GRIA4: variants seen among roughly 807,000 people sequenced by gnomAD.
GRIA4 encodes glutamate receptor 4.
GRIA4 carries 34 observed loss-of-function variants against 104.0 expected under a neutral mutation model. The observed-to-expected ratio is 0.33, with a 90% CI of 0.25 to 0.44. GRIA4 has a LOEUF of 0.44. Among genes scored for constraint, GRIA4 ranks in the 20% least tolerant of loss-of-function variants. The pLI is 1.00. For synonymous variants in GRIA4, 386 were observed against 381.9 expected, an observed-to-expected ratio of 1.01 and a Z score of -0.13; for missense variants, 750 against 1,096.5, an observed-to-expected ratio of 0.68 and a Z score of 4.46.
At position 105,938,581 on chromosome 11, in the gene GRIA4, T is replaced by C. The variant is rs374615678; in HGVS notation, c.2294+4612T>C. 4.3e-4 allele frequency among the ~76,000 whole-genome samples: 65 copies of C among 152,318 alleles called. 1 individual carries two copies. The Middle Eastern group carries it at 0.014, about 32-fold the overall frequency. ...TGAATACCCTTCATTTTTAGTGCCA[T>C]ATTAAAAGATGCTATAGATAACTTA... On this transcript the variant is annotated intron_variant, in intron 14 of 16. Coordinates refer to ENST00000282499, the MANE Select transcript of GRIA4 (RefSeq NM_000829.4).
intron 3 of GRIA4, among the ~76,000 whole-genome samples, chr11:105,730,135 C>T (rs528574605): frequency 2.0e-5 from 3 of 152,280 alleles, no homozygotes; most frequent in East Asian, 1.9e-4. Context: ...AAAACCCCAT[C>T]GTCTCAGCCC....
At chr11:105,731,423 T>C (rs950602612) in intron 3 of GRIA4, among the ~76,000 whole-genome samples, 1 of 152,128 alleles carries the variant, frequency 6.6e-6, no homozygotes, top group African/African-American at 2.4e-5. Flanking sequence ...TTTACACTGT[T>C]GGTGGGAGTG....
rs199613178 is a variant in GRIA4 at position 105,829,636 on chromosome 11, CAT to C, written c.488-32385_488-32384del. On this transcript the variant is annotated intron_variant, in intron 4 of 16. Transcript: ENST00000282499. The stretch of plus-strand genomic sequence containing the variant: ...TTAAAGTGGCCTAGCTATAAGAAGA[CAT>C]ATTCCTCCACACTATGTCGACATAT... Among the ~76,000 whole-genome samples the C allele has an allele frequency of 2.0e-5, 3 of 151,994 alleles. No homozygotes were observed. In the East Asian group the frequency reaches 5.9e-4, roughly 30 times the overall value.
intron 6 of GRIA4, 144 bp from the exon 7 acceptor site, chr11:105,898,125 T>A: frequency 4.3e-6 from 2 of 460,818 alleles, no homozygotes; most frequent in Non-Finnish European, 7.7e-6. Context: ...ATTTTCCACA[T>A]CTTTTATTAT....
intron 3 of GRIA4, among the ~76,000 whole-genome samples, chr11:105,659,603 A>G (rs922490657): frequency 1.3e-5 from 2 of 152,040 alleles, no homozygotes; most frequent in East Asian, 1.9e-4. Context: ...TAGATGGTCC[A>G]TACTGTGTAA....
chr11:105,745,618 A>C (rs548294162), intron 3 of GRIA4, among the ~76,000 whole-genome samples: 3 of 152,306 alleles, frequency 2.0e-5, no homozygotes, highest in African/African-American at 7.2e-5. Flanking sequence ...CTGTTGTACA[A>C]AGTTGTCTCA....
intron 3 of GRIA4, among the ~76,000 whole-genome samples, chr11:105,737,349 G>A (rs1939016155): frequency 6.6e-6 from 1 of 151,994 alleles, no homozygotes; most frequent in Non-Finnish European, 1.5e-5. Context: ...TTATATTCTA[G>A]AAGGGGAAGA....
chr11:105,953,068 G>C (rs560582031), intron 14 of GRIA4, among the ~76,000 whole-genome samples: 23 of 152,304 alleles, frequency 1.5e-4, no homozygotes, highest in African/African-American at 5.5e-4. Context: ...AATAATTTGG[G>C]AAGAAAAGTA....
chr11:105,941,234 C>G (rs967771581), intron 14 of GRIA4, among the ~76,000 whole-genome samples: 2 of 152,022 alleles, frequency 1.3e-5, no homozygotes, highest in African/African-American at 4.8e-5. Flanking sequence ...TCAAAAAAGT[C>G]TTTTTTTATG....
chr11:105,927,288 G>C (rs553352781), intron 13 of GRIA4, among the ~76,000 whole-genome samples: 2 of 152,034 alleles, frequency 1.3e-5, no homozygotes, highest in African/African-American at 2.4e-5. Context: ...GGCTGAGAGC[G>C]TAAAAATGAA....
chr11:105,628,623 C>A (rs1287916882), intron 3 of GRIA4, among the ~76,000 whole-genome samples: 2 of 152,126 alleles, frequency 1.3e-5, no homozygotes, highest in African/African-American at 4.8e-5. Context: ...TGTGTCTCCC[C>A]AGCCATGTGA....
chr11:105,754,911 T>C (rs1940212479), intron 4 of GRIA4, among the ~76,000 whole-genome samples: 1 of 152,204 alleles, frequency 6.6e-6, no homozygotes, highest in South Asian at 2.1e-4. Flanking sequence ...ATTATGTAAA[T>C]TGTTCCTAGG....
chr11:105,681,731 T>C (rs1952715991), intron 3 of GRIA4, among the ~76,000 whole-genome samples: 1 of 152,176 alleles, frequency 6.6e-6, no homozygotes, highest in African/African-American at 2.4e-5. Flanking sequence ...TTCAATACAC[T>C]GAGTTAAATA....
intron 5 of GRIA4, among the ~76,000 whole-genome samples, chr11:105,878,921 C>G (rs1010626558): frequency 6.6e-6 from 1 of 152,198 alleles, no homozygotes; most frequent in African/African-American, 2.4e-5. Context: ...CACTGGCATT[C>G]CAGGTGCCAC....
At chr11:105,889,166 AAAAT>A (rs1438703972) in intron 6 of GRIA4, among the ~76,000 whole-genome samples, 14 of 152,220 alleles carry the variant, frequency 9.2e-5, no homozygotes, top group Non-Finnish European at 8.8e-5. Flanking sequence ...ATTGGCAATT[AAAAT>A]AAATAAATCA....
intron 5 of GRIA4, among the ~76,000 whole-genome samples, chr11:105,868,871 C>T (rs984457172): frequency 1.3e-5 from 2 of 152,100 alleles, no homozygotes; most frequent in Non-Finnish European, 2.9e-5. Context: ...TCAGGATCTA[C>T]AACAAAGTAA....
chr11:105,750,221 C>T (rs1939919749), intron 3 of GRIA4, among the ~76,000 whole-genome samples: 1 of 152,070 alleles, frequency 6.6e-6, no homozygotes, highest in African/African-American at 2.4e-5. Context: ...AAATAAAATA[C>T]TGCCCAAGGT....
At chr11:105,765,346 A>C (rs1940882998) in intron 4 of GRIA4, among the ~76,000 whole-genome samples, 1 of 152,216 alleles carries the variant, frequency 6.6e-6, no homozygotes, top group African/African-American at 2.4e-5. Flanking sequence ...AATCCTTTAA[A>C]CAATAACAAC....
At chr11:105,702,713 T>C (rs1335200607) in intron 3 of GRIA4, among the ~76,000 whole-genome samples, 1 of 146,918 alleles carries the variant, frequency 6.8e-6, no homozygotes, top group Non-Finnish European at 1.5e-5. Context: ...TTTTTTTTTT[T>C]TGAGACAGAA....
Sources: gnomAD v4.1 joint callset for allele counts (sites outside exome capture counted in the v4.1 genomes callset) on GRCh38, gnomAD v4.1.1 for gene constraint, MANE v1.5 for transcripts, NCBI Gene and HGNC (gene_info 2026-07-23, HGNC 2026-07-21) for gene names.